PFAS: variants seen among roughly 807,000 people sequenced by gnomAD.
PFAS encodes the protein phosphoribosylformylglycinamidine synthase.
In PFAS, 97 loss-of-function variants were observed where a neutral mutation model predicts 140.6. The observed-to-expected ratio is 0.69, with a 90% CI of 0.59 to 0.82. The LOEUF (loss-of-function observed/expected upper bound fraction) is 0.82, where lower values mean the gene tolerates loss of function less well. Among genes scored for constraint, PFAS ranks in the 40% least tolerant of loss-of-function variants. The pLI is 0.00. For missense variants in PFAS, 1,656 were observed against 1,780.2 expected, an observed-to-expected ratio of 0.93 and a Z score of 1.26; for synonymous variants, 679 against 718.8, an observed-to-expected ratio of 0.94 and a Z score of 0.88.
At position 8,256,631 on chromosome 17, in the gene PFAS, C is replaced by A; in HGVS notation, c.929C>A (p.Thr310Asn). The part of the protein sequence containing the change: ...GLRHVVFTAE[T>N]HNFPTGVCPF... ...AGACATGTTGTCTTCACAGCAGAGA[C>A]TCACAACTTTCCCACAGGTGAGCTG... The change falls in exon 8 of 28, where the codon ACT becomes AAT. Residue 310 changes from threonine (T) to asparagine (N), a missense_variant. Thr to Asn is a moderately conservative substitution (Grantham distance 65). Around this residue, in one of 2 missense-constraint regions of PFAS, gnomAD observed 773 missense variants for 757.3 expected, o/e 1.02. Transcript: ENST00000314666. 11 of 1,614,172 alleles carry A rather than the reference C, an allele frequency of 6.8e-6. No individual in the cohort carries two copies. Among genetic ancestry groups the A allele is most frequent in the Non-Finnish European group, 9.3e-6 (11 of 1,180,044 alleles).
upstream of PFAS, chr17:8,248,076 G>T: frequency 2.3e-6 from 3 of 1,330,610 alleles, no homozygotes; most frequent in South Asian, 1.3e-5. Flanking sequence ...GCAGGTGCTC[G>T]CTTGGGGGTG....
chr17:8,253,430 C>T (rs1024908279), intron 1 of PFAS, among the ~76,000 whole-genome samples: 1 of 152,172 alleles, frequency 6.6e-6, no homozygotes, highest in African/African-American at 2.4e-5. Context: ...TTCAGGTTAC[C>T]TTGTTTCTCT....
rs1245084413 is a variant in PFAS, at chr17:8,263,149, T to C, written c.1451T>C (p.Val484Ala). Residue 484 changes from valine (V) to alanine (A), a missense_variant, in exon 13 of 28, where the codon GTG (valine) becomes GCG (alanine). Around this residue, in one of 2 missense-constraint regions of PFAS, gnomAD observed 773 missense variants for 757.3 expected, o/e 1.02. Transcript: ENST00000314666. ...DNTSDLDFGA[V>A]QRGDPEMEQK... ...ACCAGTGACCTGGACTTTGGGGCTG[T>C]GCAGCGAGGAGACCCGGAGATGGAA... 6.2e-7 allele frequency: 1 copy of C among 1,613,986 alleles called. No individual in the cohort carries two copies. The highest frequency in any genetic ancestry group is 8.5e-7 in the Non-Finnish European group (1 of 1,179,874).
At chr17:8,264,713 A>C in intron 17 of PFAS, 112 bp downstream of exon 17, 1 of 1,248,530 alleles carries the variant, frequency 8.0e-7, no homozygotes, top group Non-Finnish European at 1.1e-6. Flanking sequence ...TGCAGGAAGC[A>C]GCAGGGGCAG....
chr17:8,261,105 C>G (rs1989573348), intron 11 of PFAS, among the ~76,000 whole-genome samples: 2 of 152,196 alleles, frequency 1.3e-5, no homozygotes, highest in East Asian at 3.8e-4. Flanking sequence ...AGTTTCTCCA[C>G]ATGCTTGACA....
In PFAS at chr17:8,265,212, A is replaced by G. The variant is rs572501113; in HGVS notation, c.2281-76A>G. ...CTGTAGCCCTTCATTTCATGTTGCAACCTCCCAGTCCGCCTGCACCCCTGG... is the reference window on the plus strand; with the variant it reads ...CTGTAGCCCTTCATTTCATGTTGCAGCCTCCCAGTCCGCCTGCACCCCTGG... On this transcript the variant is annotated intron_variant, in intron 18 of 27. Coordinates refer to ENST00000314666, the MANE Select transcript of PFAS (RefSeq NM_012393.3). 2.4e-5 allele frequency: 38 copies of G among 1,567,968 alleles called. No individual in the cohort carries two copies. The East Asian group carries it at 6.1e-4, about 25-fold the overall frequency.
rs550288544 is a variant in PFAS at position 8,265,358 on chromosome 17, C to T, written c.2351C>T (p.Ala784Val). 1.1e-5 allele frequency: 18 copies of T among 1,614,164 alleles called. No homozygotes were observed. The highest frequency in any genetic ancestry group is 1.7e-4 in the Middle Eastern group (1 of 6,024). Residue 784 changes from alanine to valine, a missense_variant, in exon 19 of 28, where the codon GCC (alanine) becomes GTC (valine). Coordinates refer to ENST00000314666, the MANE Select transcript of PFAS (RefSeq NM_012393.3). ...GGGGAGGGCGCAGCTTTGGCGGATG[C>T]CTGTGAGGCTATGGTGGCAGTGATG... ...LPGEGAALAD[A>V]CEAMVAVMAA...
chr17:8,263,840 T>C lies in PFAS; in HGVS notation c.1695T>C (p.Leu565=), dbSNP rs142445675. The C allele has an allele frequency of 4.8e-5, 78 of 1,614,018 alleles. No homozygotes were observed. Among genetic ancestry groups the C allele is most frequent in the Non-Finnish European group, 6.3e-5 (74 of 1,180,030 alleles). The change falls in exon 15 of 28, where the codon CTT becomes CTC. Residue 565 remains leucine, a synonymous_variant. Coordinates refer to ENST00000314666, the MANE Select transcript of PFAS (RefSeq NM_012393.3). ...WGAEYQESNA[L]LLRSPNRDFL... is the part of the protein sequence containing the mutation. ...CTGAGTACCAGGAATCAAATGCTCT[T>C]CTGCTGAGGTCCCCCAACCGGGACT...
chr17:8,265,309 T>G lies in PFAS; in HGVS notation c.2302T>G (p.Trp768Gly). The change falls in exon 19 of 28, where the codon TGG becomes GGG. Residue 768 changes from tryptophan (W) to glycine (G), a missense_variant. Physicochemically the swap from Trp to Gly is radical, Grantham distance 184 (BLOSUM62 -2). Around this residue, in one of 2 missense-constraint regions of PFAS, gnomAD observed 883 missense variants for 1,023.0 expected, o/e 0.86. Coordinates refer to ENST00000314666, the MANE Select transcript of PFAS (RefSeq NM_012393.3). The part of the protein sequence containing the change: ...DLRDVKCSGN[W>G]MWAAKLPGEG... ...CCAGGATGTGAAGTGTAGCGGGAAC[T>G]GGATGTGGGCAGCCAAGCTCCCAGG... is the stretch of plus-strand genomic sequence containing the variant. 1.9e-6 allele frequency: 3 copies of G among 1,613,974 alleles called. No individual in the cohort carries two copies. The highest frequency in any genetic ancestry group is 2.5e-6 in the Non-Finnish European group (3 of 1,179,958).
chr17:8,255,990 C>G (rs1035315553), intron 6 of PFAS, 80 bp downstream of exon 6: 3 of 1,152,078 alleles, frequency 2.6e-6, no homozygotes, highest in Non-Finnish European at 2.6e-6. Flanking sequence ...TCATGTTCCT[C>G]CCTTGGCTTA....
At chr17:8,255,937 A>G (rs1221464592) in intron 6 of PFAS, 27 bp downstream of exon 6, 3 of 1,522,316 alleles carry the variant, frequency 2.0e-6, no homozygotes, top group African/African-American at 2.7e-5. Flanking sequence ...TTGTTCCCAT[A>G]CCTGAGCCCA....
chr17:8,249,605 C>G (rs1989060094), intron 1 of PFAS: 2 of 152,228 alleles, frequency 1.3e-5, no homozygotes, highest in Admixed American at 6.5e-5. Flanking sequence ...CGGCCGCCTA[C>G]TTTATATCAG....
At position 8,264,355 on chromosome 17, in the gene PFAS, G is replaced by T. The variant is rs200464549; in HGVS notation, c.1917+18G>T. 4 of 1,613,414 alleles carry T rather than the reference G, an allele frequency of 2.5e-6. No homozygotes were observed. The African/African-American group carries it at 5.3e-5, about 22-fold the overall frequency. On this transcript the variant is annotated intron_variant, in intron 16 of 27. Transcript: ENST00000314666. ...CTCGGAAGGTATGTGGGGTTGAGGG[G>T]ATGGGTTTTTCCTGTGGTCCTCTCC...
In PFAS at chr17:8,261,858, G is replaced by A. The variant is rs142354762; in HGVS notation, c.1337-1062G>A. On this transcript the variant is annotated intron_variant, in intron 11 of 27. Transcript: ENST00000314666. ...ATTCCTGAGCTCAAGCGATCCGCCC[G>A]CCTCAGTCTCCCAAAGTGCTGGGAG... Among the ~76,000 whole-genome samples, 14 of 151,990 alleles carry A rather than the reference G, an allele frequency of 9.2e-5. 1 individual carries two copies. In the Middle Eastern group the frequency reaches 0.01, roughly 111 times the overall value.
At position 8,254,042 on chromosome 17, in the gene PFAS, C is replaced by T. The variant is rs750458468; in HGVS notation, c.105C>T (p.Gly35=). 9.3e-6 allele frequency: 15 copies of T among 1,614,010 alleles called. No homozygotes were observed. Among genetic ancestry groups the T allele is most frequent in the Middle Eastern group, 1.6e-4 (1 of 6,084 alleles). The change falls in exon 2 of 28, where the codon GGC becomes GGT. Residue 35 remains glycine (G), a synonymous_variant. Coordinates refer to ENST00000314666, the MANE Select transcript of PFAS (RefSeq NM_012393.3). Reference sequence around the variant, plus strand: ...AAGGGAAACTGCCAGAGCTGCAGGGCGTCGAGACTGAACTGTGCTACAACG... The same window carrying T: ...AAGGGAAACTGCCAGAGCTGCAGGGTGTCGAGACTGAACTGTGCTACAACG... ...KLQGKLPELQ[G]VETELCYNVN...
chr17:8,257,363 T>C (rs946014438), intron 9 of PFAS, among the ~76,000 whole-genome samples: 2 of 151,812 alleles, frequency 1.3e-5, no homozygotes, highest in African/African-American at 4.8e-5. Context: ...AAAACCATCC[T>C]GGCTAACACG....
chr17:8,254,148 T>C lies in PFAS; in HGVS notation c.143-18T>C, dbSNP rs766511266. The C allele has an allele frequency of 1.9e-6, 3 of 1,614,112 alleles. No individual in the cohort carries two copies. The highest frequency in any genetic ancestry group is 2.5e-6 in the Non-Finnish European group (3 of 1,179,996). On this transcript the variant is annotated intron_variant, in intron 2 of 27. Transcript: ENST00000314666. ...TGGGGGCAGTGTCTCAAGGTGTCCTTGCCCTGTCTCCCTGCAGCTGAGGCC... is the reference window on the plus strand; with the variant it reads ...TGGGGGCAGTGTCTCAAGGTGTCCTCGCCCTGTCTCCCTGCAGCTGAGGCC...
At chr17:8,256,174 G>A (rs1483357967) in intron 6 of PFAS, 93 bp from the exon 7 acceptor site, 7 of 1,246,188 alleles carry the variant, frequency 5.6e-6, no homozygotes, top group Non-Finnish European at 7.9e-6. Flanking sequence ...GAATTTGGCT[G>A]TAACTCTGCT....
At position 8,265,942 on chromosome 17, in the gene PFAS, G is replaced by A. The variant is rs369111976; in HGVS notation, c.2626G>A (p.Gly876Arg). 14 of 1,613,588 alleles carry A rather than the reference G, an allele frequency of 8.7e-6. No individual in the cohort carries two copies. The highest frequency in any genetic ancestry group is 1.3e-5 in the African/African-American group (1 of 74,914). Reference protein sequence around the residue: ...TALAQCFSQLGEHPPDLDLPE... With the variant: ...TALAQCFSQLREHPPDLDLPE... ...TCTGGCCCAGTGCTTCTCCCAGCTT[G>A]GGGAACACCCTCCAGACCTGGACCT... is the stretch of plus-strand genomic sequence containing the variant. The change falls in exon 21 of 28, where the codon GGG (glycine) becomes AGG (arginine). Residue 876 changes from glycine (G) to arginine (R), a missense_variant. By Grantham distance (125) the Gly-to-Arg change is moderately radical. This residue lies in a region of PFAS where 883 missense variants were observed against 1,023.0 expected (regional missense o/e 0.86). Transcript: ENST00000314666.
Sources: gnomAD v4.1 joint callset for allele counts (sites outside exome capture counted in the v4.1 genomes callset) on GRCh38, gnomAD v4.1.1 for gene constraint, gnomAD v4.1.1 regional missense constraint, MANE v1.5 for transcripts, NCBI Gene and HGNC (gene_info 2026-07-23, HGNC 2026-07-21) for gene names.